Variants in ADAM33 observed in about 807,000 individuals in gnomAD.
The protein encoded by ADAM33 is disintegrin and metalloproteinase domain-containing protein 33.
In ADAM33, 103 loss-of-function variants were observed where a neutral mutation model predicts 106.2. That is an observed-to-expected ratio of 0.97 (90% confidence interval 0.83 to 1.14). The LOEUF is 1.14. Among genes scored for constraint, ADAM33 ranks in the 50% most tolerant of loss-of-function variants. The pLI is 0.00. For missense variants in ADAM33, 1,120 were observed against 1,096.6 expected (o/e 1.02, Z -0.30); for synonymous variants, 483 against 453.0 (o/e 1.07, Z -0.84).
Position 3,671,944 on chromosome 20 carries a change from A to G in ADAM33, c.1639T>C (p.Ser547Pro). The G allele has an allele frequency of 6.4e-7, 1 of 1,556,706 alleles. No homozygotes were observed. The highest frequency in any genetic ancestry group is 1.9e-5 in the Admixed American group (1 of 51,380). The change falls in exon 15 of 22, where the codon TCT (serine) becomes CCT (proline). Residue 547 changes from serine (S) to proline (P), a missense_variant. Ser to Pro is a moderately conservative substitution (Grantham distance 74, BLOSUM62 -1). Transcript: ENST00000356518. ...APEACFQVVNSAGDAHGNCGQ... is the reference protein window; with the variant it reads ...APEACFQVVNPAGDAHGNCGQ... ...CAGTTTCCATGAGCATCTCCCGCAG[A>G]GTTCACCACCTGGAAACAGGCCTCG... is the stretch of plus-strand genomic sequence containing the variant.
intron 19 of ADAM33, chr20:3,669,920 G>A: frequency 1.8e-6 from 1 of 558,668 alleles, no homozygotes. Context: ...TCCAGATGCT[G>A]GCATCGCTCA....
At position 3,675,616 on chromosome 20, in the gene ADAM33, G is replaced by C. The variant is rs372292015; in HGVS notation, c.255-511C>G. Among the ~76,000 whole-genome samples the C allele has an allele frequency of 4.4e-4, 67 of 152,020 alleles. No individual in the cohort carries two copies. The East Asian group carries it at 7.4e-3, about 17-fold the overall frequency. On this transcript the variant is annotated intron_variant, in intron 3 of 21. Transcript: ENST00000356518. The surrounding 1 kb of genome is among the most constrained non-coding windows in gnomAD (Gnocchi z 4.1). Reference sequence around the variant, plus strand: ...TCTAGACCCCACATACCTCCCACCTGTCCTTCAGTGATTGATGCTCACCCC... The same window carrying C: ...TCTAGACCCCACATACCTCCCACCTCTCCTTCAGTGATTGATGCTCACCCC...
intron 3 of ADAM33, among the ~76,000 whole-genome samples, chr20:3,676,627 C>T (rs2087985401): frequency 6.6e-6 from 1 of 151,864 alleles, no homozygotes; most frequent in Non-Finnish European, 1.5e-5. Context: ...TTAGTAGAGA[C>T]GGGGTTTCAC....
intron 2 of ADAM33, among the ~76,000 whole-genome samples, chr20:3,678,492 C>T (rs41376446): frequency 6.6e-6 from 1 of 152,228 alleles, no homozygotes; most frequent in Non-Finnish European, 1.5e-5. Context: ...AAGCTCAGGC[C>T]AGTGCCGTGC....
In ADAM33 at chr20:3,672,342, C is replaced by T. The variant is rs6037648; in HGVS notation, c.1402-13G>A. 8.1e-6 allele frequency: 13 copies of T among 1,610,338 alleles called. No homozygotes were observed. Among genetic ancestry groups the T allele is most frequent in the South Asian group, 2.2e-5 (2 of 90,702 alleles). On this transcript the variant is annotated splice_polypyrimidine_tract_variant and intron_variant, in intron 13 of 21. Transcript: ENST00000356518. ...CAGCCGGCTTCAGCTGCGCAGGTGACGGGTGGTGGGGAAGGCAGAGAGAGG... is the reference window on the plus strand; with the variant it reads ...CAGCCGGCTTCAGCTGCGCAGGTGATGGGTGGTGGGGAAGGCAGAGAGAGG...
chr20:3,671,993 A>C lies in ADAM33; in HGVS notation c.1598-8T>G. 1 of 1,554,212 alleles carries C rather than the reference A, an allele frequency of 6.4e-7. No individual in the cohort carries two copies. The highest frequency in any genetic ancestry group is 8.7e-7 in the Non-Finnish European group (1 of 1,148,858). ...CGGGAGCTGGGTGGGAGCCTGAGGA[A>C]GCATGGGCCAGGCTGGGGGCAGCTC... On this transcript the variant is annotated splice_region_variant and splice_polypyrimidine_tract_variant and intron_variant, in intron 14 of 21. Coordinates refer to ENST00000356518, the MANE Select transcript of ADAM33 (RefSeq NM_025220.5).
At chr20:3,679,064 C>G (rs907554056) in intron 2 of ADAM33, among the ~76,000 whole-genome samples, 4 of 151,626 alleles carry the variant, frequency 2.6e-5, no homozygotes, top group African/African-American at 9.7e-5. Flanking sequence ...TGGCAGGGCC[C>G]TGAGAGGGAC....
At chr20:3,672,495 A>T (rs2087607626) in intron 13 of ADAM33, 42 bp downstream of exon 13, 1 of 1,599,178 alleles carries the variant, frequency 6.3e-7, no homozygotes. Context: ...GCCGGCTCCC[A>T]AGCTCCCCGA....
At position 3,670,906 on chromosome 20, in the gene ADAM33, G is replaced by A; in HGVS notation, c.2240+100C>T. On this transcript the variant is annotated intron_variant, in intron 19 of 21. Transcript: ENST00000356518. ...CTCTGGGGCTGCTCTCTGCACCTGG[G>A]GGCAAGGCTGAGGGCCTGCCCCAGC... 3 of 1,428,090 alleles carry A rather than the reference G, an allele frequency of 2.1e-6. No individual in the cohort carries two copies. In the South Asian group the frequency reaches 4.4e-5, roughly 21 times the overall value. The allele number at this position is 1,428,090 out of a possible 1,614,324, so 88.5% of individuals were successfully genotyped here. A position where few individuals can be genotyped will look rare whatever the true frequency, so the allele number is the denominator to read the frequency against.
chr20:3,672,689 G>A, intron 12 of ADAM33, 32 bp downstream of exon 12: 4 of 1,595,526 alleles, frequency 2.5e-6, no homozygotes, highest in Non-Finnish European at 3.4e-6. Flanking sequence ...TGAGCGGAGA[G>A]GGCAAGTGGG....
chr20:3,671,507 T>C lies in ADAM33; in HGVS notation c.1906-11A>G. The C allele has an allele frequency of 6.2e-7, 1 of 1,609,840 alleles. No homozygotes were observed. Among genetic ancestry groups the C allele is most frequent in the Non-Finnish European group, 8.5e-7 (1 of 1,177,342 alleles). On this transcript the variant is annotated splice_polypyrimidine_tract_variant and intron_variant, in intron 16 of 21. Transcript: ENST00000356518. Reference sequence around the variant, plus strand: ...CCTGCTCTGGCACACCTACGGGCAGTGCACCAGGCAGTGAGGGGGACACTG... The same window carrying C: ...CCTGCTCTGGCACACCTACGGGCAGCGCACCAGGCAGTGAGGGGGACACTG...
In ADAM33 at chr20:3,672,348, G is replaced by A; in HGVS notation, c.1402-19C>T. The A allele has an allele frequency of 6.2e-7, 1 of 1,609,994 alleles. No homozygotes were observed. The highest frequency in any genetic ancestry group is 1.1e-5 in the South Asian group (1 of 90,604). The stretch of plus-strand genomic sequence containing the variant: ...GCTTCAGCTGCGCAGGTGACGGGTG[G>A]TGGGGAAGGCAGAGAGAGGCCACGT... On this transcript the variant is annotated intron_variant, in intron 13 of 21. Coordinates refer to ENST00000356518, the MANE Select transcript of ADAM33 (RefSeq NM_025220.5).
At chr20:3,670,856 G>T in intron 19 of ADAM33, 150 bp downstream of exon 19, 1 of 1,232,612 alleles carries the variant, frequency 8.1e-7, no homozygotes, top group Non-Finnish European at 1.1e-6. Context: ...GGAACCTCCT[G>T]TTCAAAGCTA....
chr20:3,674,067 G>T lies in ADAM33; in HGVS notation c.735C>A (p.Asp245Glu), dbSNP rs752230445. 1 of 1,614,122 alleles carries T rather than the reference G, an allele frequency of 6.2e-7. No homozygotes were observed. Among genetic ancestry groups the T allele is most frequent in the Non-Finnish European group, 8.5e-7 (1 of 1,180,018 alleles). Reference sequence around the variant, plus strand: ...CTCTCTCCCCGCCGCCCCCAACCTGGTCCACGTAGTTGGCGACTTCCAGGA... The same window carrying T: ...CTCTCTCCCCGCCGCCCCCAACCTGTTCCACGTAGTTGGCGACTTCCAGGA... ...QRLLEVANYV[D>E]QLLRTLDIQV... Residue 245 changes from aspartate (D) to glutamate (E), a missense_variant, in exon 8 of 22, where the codon GAC (aspartate) becomes GAA (glutamate). Coordinates refer to ENST00000356518, the MANE Select transcript of ADAM33 (RefSeq NM_025220.5).
intron 8 of ADAM33, 45 bp from the exon 9 acceptor site, chr20:3,673,956 C>T (rs991647993): frequency 9.5e-6 from 15 of 1,582,640 alleles, no homozygotes; most frequent in Non-Finnish European, 1.3e-5. Flanking sequence ...CGCCCCATCG[C>T]GCCGGTGGTC....
rs1321728445 is a variant in ADAM33 at position 3,672,741 on chromosome 20, A to G, written c.1291T>C (p.Cys431Arg). The G allele has an allele frequency of 6.4e-7, 1 of 1,565,054 alleles. No individual in the cohort carries two copies. Among genetic ancestry groups the G allele is most frequent in the Non-Finnish European group, 8.7e-7 (1 of 1,155,012 alleles). The change falls in exon 12 of 22, where the codon TGT becomes CGT. Residue 431 changes from cysteine to arginine, a missense_variant. Cys to Arg is a radical substitution (Grantham distance 180). Transcript: ENST00000356518. ...TTAACCTGGCCAGGGCCGCAGTCACACTCCTCGCCCGCTTCCACGAAGCCG... is the reference window on the plus strand; with the variant it reads ...TTAACCTGGCCAGGGCCGCAGTCACGCTCCTCGCCCGCTTCCACGAAGCCG... ...GNGFVEAGEE[C>R]DCGPGQECRD...
Position 3,681,894 on chromosome 20 carries a change from G to T in ADAM33, c.97+14C>A, listed in dbSNP as rs2088533671. ...TAGCCTGCCCCTCAGGGCGCACCCC[G>T]CCCGCGTCCTCACCTTGAAGCACCC... On this transcript the variant is annotated intron_variant, in intron 1 of 21. Transcript: ENST00000356518. 6.3e-7 allele frequency: 1 copy of T among 1,594,434 alleles called. No homozygotes were observed. The highest frequency in any genetic ancestry group is 1.7e-5 in the Admixed American group (1 of 58,134).
chr20:3,668,917 T>C lies in ADAM33; in HGVS notation c.*46A>G, dbSNP rs748496134. 20 of 1,607,638 alleles carry C rather than the reference T, an allele frequency of 1.2e-5. No individual in the cohort carries two copies. The highest frequency in any genetic ancestry group is 1.4e-5 in the Non-Finnish European group (17 of 1,174,496). On this transcript the variant is annotated 3_prime_UTR_variant, in exon 22 of 22. Transcript: ENST00000356518. ...GCAGTTCAAGTTCCTGGAGTGGCTG[T>C]CAGTGGCCACCTGTCTTTAAATCTG...
At chr20:3,679,678 C>G in intron 1 of ADAM33, 107 bp from the exon 2 acceptor site, 2 of 966,702 alleles carry the variant, frequency 2.1e-6, no homozygotes, top group Non-Finnish European at 3.1e-6. Context: ...GCACTGGAGG[C>G]CTTTTGGGGC....
Sources: allele counts gnomAD v4.1 joint callset (sites outside exome capture counted in the v4.1 genomes callset), GRCh38; gene constraint gnomAD v4.1.1; non-coding constraint Gnocchi (gnomAD v3.1); transcripts MANE v1.5; gene names NCBI Gene and HGNC (gene_info 2026-07-23, HGNC 2026-07-21).